Variants in NXN observed in about 807,000 individuals in gnomAD.
NXN encodes nucleoredoxin 1.
NXN carries 16 observed loss-of-function variants against 48.6 expected under a neutral mutation model. The observed-to-expected ratio is 0.33, with a 90% CI of 0.22 to 0.50. The LOEUF is 0.50. NXN is among the 20% of genes least tolerant of loss of function. The pLI, the probability that NXN is intolerant of heterozygous loss-of-function variation, is 0.98. For synonymous variants in NXN, 281 were observed against 269.6 expected, an observed-to-expected ratio of 1.04 and a Z score of -0.41; for missense variants, 492 against 605.5, an observed-to-expected ratio of 0.81 and a Z score of 1.97.
chr17:841,354 C>T lies in NXN; in HGVS notation c.361-15276G>A, dbSNP rs998626870. Among the ~76,000 whole-genome samples, 2 of 152,050 alleles carry T rather than the reference C, an allele frequency of 1.3e-5. 1 individual carries two copies. Among genetic ancestry groups the T allele is most frequent in the Non-Finnish European group, 2.9e-5 (2 of 68,010 alleles). On this transcript the variant is annotated intron_variant, in intron 1 of 7. Coordinates refer to ENST00000336868, the MANE Select transcript of NXN (RefSeq NM_022463.5). ...CCTGGTGCCGCCAACCCTGCCAGGG[C>T]TGGGACCCAGAGCAGCCCACACACG... is the stretch of plus-strand genomic sequence containing the variant.
intron 1 of NXN, among the ~76,000 whole-genome samples, chr17:885,327 A>G (rs2068332074): frequency 6.6e-6 from 1 of 151,874 alleles, no homozygotes; most frequent in Admixed American, 6.6e-5. Context: ...AAAATACAAA[A>G]ATTAGCTGGG....
rs1911133701 is a variant in NXN, at chr17:800,262, A to T, written c.*687T>A. The T allele has an allele frequency of 6.6e-6, 1 of 152,346 alleles. No homozygotes were observed. The highest frequency in any genetic ancestry group is 2.1e-4 in the South Asian group (1 of 4,834). 9.4% of individuals were successfully genotyped at this position (152,346 alleles called of 1,614,324 possible). A position where few individuals can be genotyped will look rare whatever the true frequency, so the allele number is the denominator to read the frequency against. ...GTGCTCCTCCTAGGACTCAGGGCTA[A>T]GTTTCTTGGGAAGATGTCCAAAGAG... On this transcript the variant is annotated 3_prime_UTR_variant, in exon 8 of 8. Transcript: ENST00000336868.
chr17:946,410 G>A (rs779084519), intron 1 of NXN, among the ~76,000 whole-genome samples: 82 of 152,198 alleles, frequency 5.4e-4, no homozygotes, highest in Non-Finnish European at 1.0e-3. Flanking sequence ...CTCGTGATCC[G>A]CCCGCCTAGG....
At chr17:972,201 C>T (rs1011880240) in intron 1 of NXN, among the ~76,000 whole-genome samples, 1 of 152,094 alleles carries the variant, frequency 6.6e-6, no homozygotes, top group Non-Finnish European at 1.5e-5. Context: ...ACTCGGGAGG[C>T]TGAAGCAGAA....
chr17:819,277 A>G (rs1912673932), intron 5 of NXN, 162 bp downstream of exon 5: 3 of 680,422 alleles, frequency 4.4e-6, no homozygotes, highest in Non-Finnish European at 7.9e-6. Context: ...AATGGCTTAG[A>G]ATTCACACCA....
chr17:841,547 CGGCGAGCA>C (rs1914268612), intron 1 of NXN, among the ~76,000 whole-genome samples: 1 of 34,872 alleles, frequency 2.9e-5, no homozygotes, highest in Non-Finnish European at 5.3e-5. Flanking sequence ...CATCTCACGC[CGGCGAGCA>C]GGTCCCCCCT....
At chr17:953,469 G>A (rs543845929) in intron 1 of NXN, among the ~76,000 whole-genome samples, 4 of 152,222 alleles carry the variant, frequency 2.6e-5, no homozygotes, top group South Asian at 2.1e-4. Context: ...GAGGCACCTC[G>A]GATGCCCCAC....
At chr17:936,467 G>C (rs181182608) in intron 1 of NXN, among the ~76,000 whole-genome samples, 2 of 151,666 alleles carry the variant, frequency 1.3e-5, no homozygotes, top group Non-Finnish European at 2.9e-5. Flanking sequence ...TGCACACGCC[G>C]CGTGCTGCCA....
At position 825,881 on chromosome 17, in the gene NXN, T is replaced by C. The variant is rs1056108975; in HGVS notation, c.478+80A>G. The C allele has an allele frequency of 2.0e-5, 17 of 861,174 alleles. No homozygotes were observed. Among genetic ancestry groups the C allele is most frequent in the Admixed American group, 4.3e-5 (2 of 46,012 alleles). 53.3% of individuals were successfully genotyped at this position (861,174 alleles called of 1,614,324 possible). A position where few individuals can be genotyped will look rare whatever the true frequency, so the allele number is the denominator to read the frequency against. ...ATTTCACCAGTACTCTCTCCACCGG[T>C]GGGACGGAGATTAGCCTAAGGGCAT... On this transcript the variant is annotated intron_variant, in intron 2 of 7. Coordinates refer to ENST00000336868, the MANE Select transcript of NXN (RefSeq NM_022463.5). This position sits in a 1 kb window ranked among gnomAD's most constrained non-coding sequence, Gnocchi z 4.1.
At chr17:835,175 A>G (rs112901764) in intron 1 of NXN, among the ~76,000 whole-genome samples, 4,446 of 151,076 alleles carry the variant, frequency 0.029, 77 homozygotes, top group Non-Finnish European at 0.045. Flanking sequence ...GGGTGTGGTG[A>G]CGGGTGCCTG....
chr17:831,501 T>G (rs908992395), intron 1 of NXN, among the ~76,000 whole-genome samples: 2 of 150,618 alleles, frequency 1.3e-5, no homozygotes, highest in South Asian at 4.2e-4. Flanking sequence ...GATGGAGTCT[T>G]GCTCTGTCAC....
chr17:959,214 C>T, intron 1 of NXN: 2 of 1,037,318 alleles, frequency 1.9e-6, no homozygotes, highest in South Asian at 2.2e-5. Flanking sequence ...CGTGTGTCAG[C>T]AGACAGGCCT....
intron 5 of NXN, among the ~76,000 whole-genome samples, chr17:818,236 G>A (rs1912593648): frequency 6.6e-6 from 1 of 152,246 alleles, no homozygotes; most frequent in East Asian, 1.9e-4. Flanking sequence ...ACTCCAGCCT[G>A]GGCGACACGG....
At chr17:850,118 G>A (rs138860198) in intron 1 of NXN, among the ~76,000 whole-genome samples, 25 of 152,294 alleles carry the variant, frequency 1.6e-4, no homozygotes, top group African/African-American at 3.9e-4. Flanking sequence ...GTGTGTGTGC[G>A]TGGAGAGTCC....
chr17:853,725 T>TATATATATA lies in NXN; in HGVS notation c.361-27648_361-27647insTATATATAT, dbSNP rs1244981485. 2.2e-3 allele frequency among the ~76,000 whole-genome samples: 186 copies of TATATATATA among 85,848 alleles called. 1 individual carries two copies. Among genetic ancestry groups the TATATATATA allele is most frequent in the Non-Finnish European group, 3.5e-3 (151 of 43,074 alleles). The allele number at this position is 85,848 out of a possible 152,430, so 56.3% of individuals were successfully genotyped here. A position where few individuals can be genotyped will look rare whatever the true frequency, so the allele number is the denominator to read the frequency against. Reference sequence around the variant, plus strand: ...CACATATATATATATATATATATATTTTTTTTTTTTTTTCCAAGACGGAGT... The same window carrying TATATATATA: ...CACATATATATATATATATATATATTATATATATATTTTTTTTTTTTTCCAAGACGGAGT... On this transcript the variant is annotated intron_variant, in intron 1 of 7. Coordinates refer to ENST00000336868, the MANE Select transcript of NXN (RefSeq NM_022463.5).
At chr17:889,797 G>A (rs2144863223) in intron 1 of NXN, among the ~76,000 whole-genome samples, 1 of 152,276 alleles carries the variant, frequency 6.6e-6, no homozygotes, top group South Asian at 2.1e-4. Flanking sequence ...AAGAAATGCA[G>A]ACAGATTAAT....
intron 1 of NXN, among the ~76,000 whole-genome samples, chr17:963,631 T>G (rs1453161551): frequency 6.6e-6 from 1 of 152,158 alleles, no homozygotes; most frequent in East Asian, 1.9e-4. Flanking sequence ...GGAAATTTTT[T>G]TTTTTAAAAT....
intron 1 of NXN, among the ~76,000 whole-genome samples, chr17:868,927 T>A (rs2068122956): frequency 6.6e-6 from 1 of 152,146 alleles, no homozygotes; most frequent in African/African-American, 2.4e-5. Flanking sequence ...AAAGGAAACC[T>A]CGGAAATCCC....
At chr17:896,868 G>GCCCCCCCCC in intron 1 of NXN, 1 of 1,207,594 alleles carries the variant, frequency 8.3e-7, no homozygotes, top group Non-Finnish European at 1.1e-6. Context: ...CCCGCCCCCG[G>GCCCCCCCCC]CCCCTCAACA....
Sources: gnomAD v4.1 joint callset for allele counts (sites outside exome capture counted in the v4.1 genomes callset) on GRCh38, gnomAD v4.1.1 for gene constraint, Gnocchi (gnomAD v3.1) non-coding constraint, MANE v1.5 for transcripts, NCBI Gene and HGNC (gene_info 2026-07-23, HGNC 2026-07-21) for gene names.